CPSF3: variants seen among roughly 807,000 people sequenced by gnomAD.
CPSF3 encodes cleavage and polyadenylation specificity factor subunit 3.
Under a neutral mutation model 84.1 loss-of-function variants are expected in CPSF3, and 57 were observed. The observed-to-expected ratio is 0.68, with a 90% confidence interval of 0.55 to 0.85. CPSF3 has a LOEUF of 0.85. Among genes scored for constraint, CPSF3 ranks in the 40% least tolerant of loss-of-function variants. The pLI is 0.00. For missense variants in CPSF3, 522 were observed against 838.8 expected, an observed-to-expected ratio of 0.62 and a Z score of 4.66; for synonymous variants, 275 against 278.1, an observed-to-expected ratio of 0.99 and a Z score of 0.11.
Position 9,450,312 on chromosome 2 carries a change from C to T in CPSF3, c.1395+1962C>T, listed in dbSNP as rs531818419. 5.9e-5 allele frequency among the ~76,000 whole-genome samples: 9 copies of T among 151,960 alleles called. No homozygotes were observed. In the East Asian group the frequency reaches 1.2e-3, roughly 20 times the overall value. ...GATCACAGGTGCCCACCACCACGCC[C>T]GGCTAATTTTTTTTGTATTTTTAGT... On this transcript the variant is annotated intron_variant, in intron 11 of 17. Transcript: ENST00000238112.
intron 15 of CPSF3, among the ~76,000 whole-genome samples, chr2:9,466,048 A>G (rs886227031): frequency 2.0e-5 from 3 of 152,222 alleles, no homozygotes; most frequent in Admixed American, 6.5e-5. Context: ...TAAAACATTT[A>G]CATCACACCA....
intron 15 of CPSF3, among the ~76,000 whole-genome samples, chr2:9,462,700 G>A (rs978117871): frequency 6.6e-6 from 1 of 152,202 alleles, no homozygotes; most frequent in Non-Finnish European, 1.5e-5. Context: ...AAAATGAAAT[G>A]TACCTTTACT....
Position 9,426,862 on chromosome 2 carries a change from G to A in CPSF3, c.51-1903G>A, listed in dbSNP as rs370038404. Among the ~76,000 whole-genome samples, 85 of 136,258 alleles carry A rather than the reference G, an allele frequency of 6.2e-4. 1 individual carries two copies. Among genetic ancestry groups the A allele is most frequent in the African/African-American group, 2.5e-3 (83 of 33,776 alleles). The allele number at this position is 136,258 out of a possible 152,430, so 89.4% of individuals were successfully genotyped here. A position where few individuals can be genotyped will look rare whatever the true frequency, so the allele number is the denominator to read the frequency against. On this transcript the variant is annotated intron_variant, in intron 1 of 17. Transcript: ENST00000238112. ...TTGAAGGCCAGACTGGGCAACATAG[G>A]GGGACCTTGTCTCAAAAAAAAAAAA...
At chr2:9,454,226 G>C (rs759190421) in intron 12 of CPSF3, among the ~76,000 whole-genome samples, 1 of 151,924 alleles carries the variant, frequency 6.6e-6, no homozygotes. Context: ...TGGCCAACGT[G>C]GTAAAACCCC....
intron 13 of CPSF3, among the ~76,000 whole-genome samples, chr2:9,456,297 T>G (rs1223028054): frequency 6.6e-6 from 1 of 152,240 alleles, no homozygotes; most frequent in East Asian, 1.9e-4. Flanking sequence ...CGTGACTAAA[T>G]TAAAAGGTGT....
At chr2:9,469,680 A>G (rs370896249) in intron 16 of CPSF3, among the ~76,000 whole-genome samples, 1 of 151,964 alleles carries the variant, frequency 6.6e-6, no homozygotes, top group African/African-American at 2.4e-5. Context: ...CACCAGAACT[A>G]TTCAACTCTG....
At chr2:9,451,741 A>G (rs1476055657) in intron 11 of CPSF3, among the ~76,000 whole-genome samples, 1 of 150,484 alleles carries the variant, frequency 6.6e-6, no homozygotes, top group Non-Finnish European at 1.5e-5. Context: ...TTTTTGAGAA[A>G]AAGTCTCGCT....
chr2:9,438,500 C>CTTT (rs60728053), intron 7 of CPSF3, among the ~76,000 whole-genome samples: 5 of 130,344 alleles, frequency 3.8e-5, no homozygotes, highest in South Asian at 2.4e-4. Flanking sequence ...AATATATATT[C>CTTT]TTTTTTTTTT....
chr2:9,457,991 A>G (rs898716484), intron 14 of CPSF3, among the ~76,000 whole-genome samples: 1 of 152,076 alleles, frequency 6.6e-6, no homozygotes, highest in Non-Finnish European at 1.5e-5. Context: ...CCTGACCTCA[A>G]GTGATCCACC....
Position 9,438,577 on chromosome 2 carries a change from G to A in CPSF3, c.761-1914G>A, listed in dbSNP as rs1246195559. ...TGTGGTGGCGCTATCTCGGCTTGGC[G>A]CGATCTCGGCTCACCACAACGTCTG... On this transcript the variant is annotated intron_variant, in intron 7 of 17. Coordinates refer to ENST00000238112, the MANE Select transcript of CPSF3 (RefSeq NM_016207.4). 1.8e-4 allele frequency among the ~76,000 whole-genome samples: 27 copies of A among 148,470 alleles called. No individual in the cohort carries two copies. The Admixed American group carries it at 1.8e-3, about 10-fold the overall frequency.
At position 9,423,692 on chromosome 2, in the gene CPSF3, T is replaced by C; in HGVS notation, c.-82T>C. The C allele has an allele frequency of 6.5e-7, 1 of 1,547,840 alleles. No homozygotes were observed. The highest frequency in any genetic ancestry group is 1.2e-5 in the South Asian group (1 of 85,818). ...TTGGTGAATGGGGTTCTTCCTTTTT[T>C]ATTTACCGGTGGCTGTGCTTCCAAT... On this transcript the variant is annotated 5_prime_UTR_variant, in exon 1 of 18. Transcript: ENST00000238112.
intron 8 of CPSF3, among the ~76,000 whole-genome samples, chr2:9,441,394 T>G (rs886647280): frequency 5.9e-5 from 9 of 152,248 alleles, no homozygotes; most frequent in Non-Finnish European, 8.8e-5. Context: ...ATGTTAAACC[T>G]TTTGATTTCC....
chr2:9,453,695 A>G (rs1007877609), intron 12 of CPSF3, among the ~76,000 whole-genome samples: 1 of 152,136 alleles, frequency 6.6e-6, no homozygotes, highest in Non-Finnish European at 1.5e-5. Context: ...GATCGAGACC[A>G]TCCTGACCAA....
chr2:9,439,295 A>G (rs544696530), intron 7 of CPSF3, among the ~76,000 whole-genome samples: 6 of 152,136 alleles, frequency 3.9e-5, no homozygotes, highest in Non-Finnish European at 8.8e-5. Context: ...AAATTGGTGA[A>G]ACCCCGTCTG....
intron 15 of CPSF3, among the ~76,000 whole-genome samples, chr2:9,461,939 T>G (rs1042876599): frequency 5.9e-5 from 9 of 151,942 alleles, no homozygotes; most frequent in African/African-American, 2.2e-4. Flanking sequence ...TTTTTGTATT[T>G]TTAGTAGGGA....
rs751377017 is a variant in CPSF3, at chr2:9,453,031, C to T, written c.1504+10C>T. ...CCTTGCGACCTGTCCAGTAAGTATA[C>T]TATTAAATGTCAAATCCAACTTCAC... On this transcript the variant is annotated intron_variant, in intron 12 of 17. Coordinates refer to ENST00000238112, the MANE Select transcript of CPSF3 (RefSeq NM_016207.4). The T allele has an allele frequency of 1.3e-6, 2 of 1,499,816 alleles. No homozygotes were observed. The highest frequency in any genetic ancestry group is 1.8e-6 in the Non-Finnish European group (2 of 1,097,676). The allele number at this position is 1,499,816 out of a possible 1,614,324, so 92.9% of individuals were successfully genotyped here.
Position 9,452,880 on chromosome 2 carries a change from G to C in CPSF3, c.1396-33G>C, listed in dbSNP as rs184687372. 4.7e-5 allele frequency: 68 copies of C among 1,440,106 alleles called. 1 individual carries two copies. In the Admixed American group the frequency reaches 8.5e-4, roughly 18 times the overall value. The allele number at this position is 1,440,106 out of a possible 1,614,324, so 89.2% of individuals were successfully genotyped here. On this transcript the variant is annotated intron_variant, in intron 11 of 17. Transcript: ENST00000238112. ...TACCTGAAAAACTGCATTTTACCAG[G>C]TTCTATTTTCTTCAAGTATTTTTTT...
chr2:9,444,158 A>T (rs7584031), intron 10 of CPSF3, among the ~76,000 whole-genome samples: 25,368 of 123,048 alleles, frequency 0.21, 2,917 homozygotes, highest in Middle Eastern at 0.29. Context: ...ATATATATAT[A>T]TTTTTTTTTT....
intron 8 of CPSF3, 149 bp from the exon 9 acceptor site, chr2:9,441,669 C>A: frequency 1.3e-6 from 1 of 776,782 alleles, no homozygotes; most frequent in Admixed American, 2.9e-5. Context: ...AGGAATTTGG[C>A]AACTGAACTT....
Sources: allele counts gnomAD v4.1 joint callset (sites outside exome capture counted in the v4.1 genomes callset), GRCh38; gene constraint gnomAD v4.1.1; transcripts MANE v1.5; gene names NCBI Gene and HGNC (gene_info 2026-07-23, HGNC 2026-07-21).